ROBO2: variants seen among roughly 807,000 people sequenced by gnomAD.
The protein encoded by ROBO2 is roundabout guidance receptor 2.
A neutral mutation model predicts 160.8 loss-of-function variants in ROBO2; 53 were observed. The observed-to-expected ratio is 0.33, with a 90% confidence interval of 0.26 to 0.41. ROBO2 has a LOEUF of 0.41. Among genes scored for constraint, ROBO2 ranks in the 10% least tolerant of loss-of-function variants. The pLI is 1.00. For synonymous variants in ROBO2, 664 were observed against 611.7 expected, an observed-to-expected ratio of 1.09 and a Z score of -1.26; for missense variants, 1,577 against 1,722.4, an observed-to-expected ratio of 0.92 and a Z score of 1.49.
chr3:77,594,438 C>T (rs564859753), intron 17 of ROBO2, among the ~76,000 whole-genome samples: 1 of 152,260 alleles, frequency 6.6e-6, no homozygotes, highest in Non-Finnish European at 1.5e-5. Flanking sequence ...AGTGGCTTCA[C>T]TGGCTGTGGC....
At chr3:77,490,577 A>G (rs941367393) in intron 4 of ROBO2, among the ~76,000 whole-genome samples, 2 of 152,058 alleles carry the variant, frequency 1.3e-5, no homozygotes, top group Non-Finnish European at 2.9e-5. Flanking sequence ...ATCTCATTGA[A>G]AATTTATTTG....
At chr3:77,519,426 G>A (rs904642840) in intron 5 of ROBO2, among the ~76,000 whole-genome samples, 12 of 151,238 alleles carry the variant, frequency 7.9e-5, no homozygotes, top group African/African-American at 2.9e-4. Flanking sequence ...GTGTGACAGT[G>A]AGGTTTGGGG....
At chr3:76,833,451 A>AGC (rs1269022692) in intron 2 of ROBO2, among the ~76,000 whole-genome samples, 1 of 152,148 alleles carries the variant, frequency 6.6e-6, no homozygotes, top group Admixed American at 6.6e-5. Flanking sequence ...TCTCTCTGAG[A>AGC]ATTTTCAAGA....
intron 2 of ROBO2, among the ~76,000 whole-genome samples, chr3:76,109,607 T>C (rs17013794): frequency 0.22 from 33,916 of 152,056 alleles, 4,193 homozygotes; most frequent in African/African-American, 0.29. Context: ...TTCCACTGGC[T>C]CTTTACTCTG....
intron 2 of ROBO2, among the ~76,000 whole-genome samples, chr3:77,240,234 A>G (rs9873956): frequency 0.87 from 131,631 of 152,126 alleles, 57,045 homozygotes; most frequent in East Asian, 0.99. Context: ...CCTGCCCCGC[A>G]GGGAGGCAGC....
intron 2 of ROBO2, among the ~76,000 whole-genome samples, chr3:75,979,630 G>C (rs1240641650): frequency 6.6e-6 from 1 of 151,468 alleles, no homozygotes; most frequent in Non-Finnish European, 1.5e-5. Context: ...CTTGTCTACT[G>C]GGTGTCCAAA....
At chr3:76,366,983 C>A (rs960040907) in intron 2 of ROBO2, among the ~76,000 whole-genome samples, 1 of 151,740 alleles carries the variant, frequency 6.6e-6, no homozygotes, top group Non-Finnish European at 1.5e-5. Flanking sequence ...ATACTGTTAG[C>A]CAAATTAGTG....
intron 2 of ROBO2, among the ~76,000 whole-genome samples, chr3:77,256,408 C>T (rs1186467290): frequency 2.6e-5 from 4 of 152,056 alleles, no homozygotes; most frequent in Non-Finnish European, 4.4e-5. Context: ...ATTATTTAAC[C>T]TCTTCCCTTT....
At chr3:76,091,130 A>G (rs1455601310) in intron 2 of ROBO2, among the ~76,000 whole-genome samples, 2 of 152,174 alleles carry the variant, frequency 1.3e-5, no homozygotes, top group African/African-American at 4.8e-5. Context: ...TTTGCTCATC[A>G]CAGCCACCAT....
chr3:76,082,630 A>G (rs1245513460), intron 2 of ROBO2, among the ~76,000 whole-genome samples: 1 of 152,116 alleles, frequency 6.6e-6, no homozygotes, highest in African/African-American at 2.4e-5. Context: ...TCTCTGCTCA[A>G]ATATTGCCAC....
intron 1 of ROBO2, among the ~76,000 whole-genome samples, chr3:77,073,874 T>G (rs1415789791): frequency 6.6e-6 from 1 of 152,178 alleles, no homozygotes; most frequent in Non-Finnish European, 1.5e-5. Flanking sequence ...TGCAGAGTAG[T>G]GAAGCTTTAT....
Position 76,812,128 on chromosome 3 carries a change from C to A in ROBO2, c.110-285886C>A, listed in dbSNP as rs918108894. 4.0e-5 allele frequency among the ~76,000 whole-genome samples: 6 copies of A among 151,874 alleles called. No individual in the cohort carries two copies. In the East Asian group the frequency reaches 1.2e-3, roughly 30 times the overall value. ...GACCTCATGATCCACTTGCCTCAGC[C>A]TCCCAAAGTGCTAGGATTACAGGTG... On this transcript the variant is annotated intron_variant, in intron 2 of 26. Transcript: ENST00000487694.
intron 2 of ROBO2, among the ~76,000 whole-genome samples, chr3:76,353,888 A>G (rs1253446027): frequency 6.6e-6 from 1 of 151,868 alleles, no homozygotes; most frequent in Non-Finnish European, 1.5e-5. Context: ...GCATTTGCAA[A>G]TCTCAGCTTG....
intron 2 of ROBO2, among the ~76,000 whole-genome samples, chr3:76,481,480 C>T (rs534754223): frequency 6.6e-6 from 1 of 152,262 alleles, no homozygotes; most frequent in Non-Finnish European, 1.5e-5. Flanking sequence ...ATTGTATAGA[C>T]ATCTGTGTCT....
chr3:76,524,539 T>C (rs143069239), intron 2 of ROBO2, among the ~76,000 whole-genome samples: 21 of 151,944 alleles, frequency 1.4e-4, no homozygotes, highest in Admixed American at 1.3e-3. Context: ...ACTCTCCTAA[T>C]ACCTATGATT....
At chr3:76,640,160 T>A (rs952422823) in intron 2 of ROBO2, among the ~76,000 whole-genome samples, 3 of 152,332 alleles carry the variant, frequency 2.0e-5, no homozygotes, top group East Asian at 3.9e-4. Context: ...AGGAGACAGC[T>A]AGGATGAACT....
At chr3:76,412,263 G>A (rs3849486) in intron 2 of ROBO2, among the ~76,000 whole-genome samples, 12,940 of 152,062 alleles carry the variant, frequency 0.085, 1,093 homozygotes, top group East Asian at 0.4. Context: ...CCCACAACAC[G>A]TGGGAATTCT....
intron 2 of ROBO2, among the ~76,000 whole-genome samples, chr3:77,142,471 A>T (rs1171354897): frequency 6.6e-6 from 1 of 152,232 alleles, no homozygotes; most frequent in Non-Finnish European, 1.5e-5. Context: ...AGGAGTGCTA[A>T]TATATAATAA....
chr3:77,239,692 T>A (rs2088674567), intron 2 of ROBO2, among the ~76,000 whole-genome samples: 1 of 152,142 alleles, frequency 6.6e-6, no homozygotes, highest in African/African-American at 2.4e-5. Flanking sequence ...TACAATCCTC[T>A]AGCTAGATGT....
Sources: allele counts gnomAD v4.1 joint callset (sites outside exome capture counted in the v4.1 genomes callset), GRCh38; gene constraint gnomAD v4.1.1; transcripts MANE v1.5; gene names NCBI Gene and HGNC (gene_info 2026-07-23, HGNC 2026-07-21).